Variants in MTHFD1L observed in about 807,000 individuals in gnomAD.
The protein encoded by MTHFD1L is methylenetetrahydrofolate dehydrogenase (NADP+ dependent) 1 like, also known as monofunctional C1-tetrahydrofolate synthase, mitochondrial.
In MTHFD1L, 81 loss-of-function variants were observed where a neutral mutation model predicts 119.5. That is an observed-to-expected ratio of 0.68 (90% CI 0.57 to 0.82). The LOEUF is 0.82. MTHFD1L is among the 40% of genes least tolerant of loss of function. The pLI, the probability that MTHFD1L is intolerant of heterozygous loss-of-function variation, is 0.00. For synonymous variants in MTHFD1L, 430 were observed against 475.2 expected (o/e 0.90, Z 1.24); for missense variants, 1,125 against 1,253.4 (o/e 0.90, Z 1.55).
rs114187212 is a variant in MTHFD1L, at chr6:150,917,853, G to A, written c.893-724G>A. Among the ~76,000 whole-genome samples, 536 of 152,252 alleles carry A rather than the reference G, an allele frequency of 3.5e-3. 3 individuals are homozygous for A. Among genetic ancestry groups the A allele is most frequent in the African/African-American group, 0.012 (514 of 41,544 alleles). On this transcript the variant is annotated intron_variant, in intron 8 of 27. Coordinates refer to ENST00000367321, the MANE Select transcript of MTHFD1L (RefSeq NM_015440.5). The stretch of plus-strand genomic sequence containing the variant: ...TCTGCAGTCTATGTTGCATCCACAT[G>A]TTTTAAATGTTCGCTATGAATTCTC...
Position 150,971,943 on chromosome 6 carries a change from C to G in MTHFD1L, c.2014-4C>G, listed in dbSNP as rs773378129. Reference sequence around the variant, plus strand: ...GATTTTGATTTGCTTTTTCACTTCTCTAGGGGACACCTGTGTTCGTGCATG... The same window carrying G: ...GATTTTGATTTGCTTTTTCACTTCTGTAGGGGACACCTGTGTTCGTGCATG... On this transcript the variant is annotated splice_polypyrimidine_tract_variant and splice_region_variant and intron_variant, in intron 19 of 27. Transcript: ENST00000367321. 1.5e-5 allele frequency: 25 copies of G among 1,613,340 alleles called. No individual in the cohort carries two copies. Among genetic ancestry groups the G allele is most frequent in the Non-Finnish European group, 3.4e-6 (4 of 1,179,586 alleles).
intron 26 of MTHFD1L, chr6:151,088,084 G>C (rs780925850): frequency 1.3e-5 from 2 of 152,210 alleles, no homozygotes; most frequent in Non-Finnish European, 2.9e-5. Flanking sequence ...GTCTGGGGGG[G>C]TGACAATCCT....
intron 23 of MTHFD1L, among the ~76,000 whole-genome samples, chr6:151,015,206 C>CTTTTTTTTTTTT (rs58646889): frequency 1.0e-4 from 8 of 76,906 alleles, no homozygotes; most frequent in Non-Finnish European, 1.7e-4. Context: ...ATCTCCTTGG[C>CTTTTTTTTTTTT]TTTTTTTTTT....
intron 8 of MTHFD1L, chr6:150,912,588 C>A: frequency 2.3e-6 from 1 of 435,852 alleles, no homozygotes; most frequent in Non-Finnish European, 4.8e-6. Context: ...GGTCTCTGCA[C>A]TGCTCATATT....
intron 26 of MTHFD1L, among the ~76,000 whole-genome samples, chr6:151,080,001 C>A (rs910682302): frequency 9.3e-5 from 14 of 150,856 alleles, no homozygotes; most frequent in African/African-American, 3.4e-4. Context: ...GTGGTGAAAC[C>A]CCGTCTCTAC....
intron 26 of MTHFD1L, among the ~76,000 whole-genome samples, chr6:151,044,370 C>T (rs1158723485): frequency 2.0e-5 from 3 of 151,020 alleles, no homozygotes; most frequent in Non-Finnish European, 2.9e-5. Flanking sequence ...GGCGCAATCT[C>T]GACTCACTGC....
intron 26 of MTHFD1L, among the ~76,000 whole-genome samples, chr6:151,088,623 A>ATTTTTTTTTTT (rs71014539): frequency 7.8e-6 from 1 of 128,622 alleles, no homozygotes; most frequent in African/African-American, 2.9e-5. Context: ...CACCCAGCTA[A>ATTTTTTTTTTT]TTTTTTTTTT....
At chr6:150,915,160 A>T (rs1017568917) in intron 8 of MTHFD1L, among the ~76,000 whole-genome samples, 2 of 152,194 alleles carry the variant, frequency 1.3e-5, no homozygotes, top group Non-Finnish European at 2.9e-5. Context: ...ATCCTGTCCA[A>T]ACCACAGCCT....
intron 11 of MTHFD1L, among the ~76,000 whole-genome samples, chr6:150,927,952 G>C (rs1012551330): frequency 6.6e-6 from 1 of 152,042 alleles, no homozygotes; most frequent in African/African-American, 2.4e-5. Context: ...CATAGAATAG[G>C]GATGTTCCAC....
At chr6:150,978,459 T>C (rs1190052758) in intron 20 of MTHFD1L, among the ~76,000 whole-genome samples, 1 of 152,172 alleles carries the variant, frequency 6.6e-6, no homozygotes, top group Non-Finnish European at 1.5e-5. Flanking sequence ...CCCAGGTGCT[T>C]CCTGGGTACA....
intron 24 of MTHFD1L, among the ~76,000 whole-genome samples, chr6:151,017,803 A>G (rs896157904): frequency 1.3e-5 from 2 of 148,952 alleles, no homozygotes. Context: ...TGGCATATGT[A>G]CAAGTATCCC....
In MTHFD1L at chr6:150,865,744, C is replaced by A; in HGVS notation, c.-79C>A. The A allele has an allele frequency of 1.7e-6, 2 of 1,168,950 alleles. No individual in the cohort carries two copies. Among genetic ancestry groups the A allele is most frequent in the South Asian group, 2.3e-5 (1 of 43,416 alleles). The allele number at this position is 1,168,950 out of a possible 1,614,324, so 72.4% of individuals were successfully genotyped here. On this transcript the variant is annotated 5_prime_UTR_variant, in exon 1 of 28. Transcript: ENST00000367321. ...TTCCCGCCGCCGCCGCCGCCGCCGCCGCCTGCTCCCCTGGCACGCGCCCCG... is the reference window on the plus strand; with the variant it reads ...TTCCCGCCGCCGCCGCCGCCGCCGCAGCCTGCTCCCCTGGCACGCGCCCCG...
chr6:150,905,585 C>G, intron 7 of MTHFD1L, 65 bp from the exon 8 acceptor site: 1 of 1,134,390 alleles, frequency 8.8e-7, no homozygotes, highest in South Asian at 1.2e-5. Flanking sequence ...CATTTGACAT[C>G]AGTAGTTACT....
chr6:150,866,366 C>G (rs1057360301), intron 1 of MTHFD1L: 2 of 1,409,146 alleles, frequency 1.4e-6, no homozygotes, highest in East Asian at 3.1e-5. Context: ...CTGATGCAAT[C>G]GCGCCGGGCG....
At chr6:151,083,323 G>A (rs1220710277) in intron 26 of MTHFD1L, among the ~76,000 whole-genome samples, 1 of 151,948 alleles carries the variant, frequency 6.6e-6, no homozygotes, top group African/African-American at 2.4e-5. Context: ...TCAACCTCCC[G>A]AGTAGCTGAG....
rs77941351 is a variant in MTHFD1L at position 151,018,651 on chromosome 6, G to A, written c.2586+2958G>A. ...TCTGTTCTTCAGAGCTAAGTACTGT[G>A]CTCAAAAGTGTGTGTGTATTGGAGG... On this transcript the variant is annotated intron_variant, in intron 24 of 27. Transcript: ENST00000367321. Among the ~76,000 whole-genome samples the A allele has an allele frequency of 5.6e-3, 847 of 152,296 alleles. 13 individuals are homozygous for A. Among genetic ancestry groups the A allele is most frequent in the African/African-American group, 0.019 (780 of 41,544 alleles).
intron 11 of MTHFD1L, among the ~76,000 whole-genome samples, chr6:150,932,845 A>AAGGAAGG (rs1791375562): frequency 6.9e-6 from 1 of 143,900 alleles, no homozygotes; most frequent in African/African-American, 2.7e-5. Flanking sequence ...GAAGGAAGGG[A>AAGGAAGG]GAGAGAGTAA....
chr6:150,953,462 G>C (rs1174175990), intron 16 of MTHFD1L, among the ~76,000 whole-genome samples: 4 of 152,140 alleles, frequency 2.6e-5, no homozygotes, highest in Non-Finnish European at 5.9e-5. Context: ...CAGCTGGCTC[G>C]GGACTAGGCA....
intron 26 of MTHFD1L, among the ~76,000 whole-genome samples, chr6:151,078,131 G>A (rs768364411): frequency 1.8e-4 from 27 of 146,890 alleles, no homozygotes; most frequent in Non-Finnish European, 1.5e-4. Flanking sequence ...GAATAATGAC[G>A]AAGCCAGACA....
Sources: gnomAD v4.1 joint callset for allele counts (sites outside exome capture counted in the v4.1 genomes callset) on GRCh38, gnomAD v4.1.1 for gene constraint, MANE v1.5 for transcripts, NCBI Gene and HGNC (gene_info 2026-07-23, HGNC 2026-07-21) for gene names.